The following TMEM132C variants were observed in gnomAD, a reference collection of about 807,000 sequenced individuals.
TMEM132C encodes the protein protein phosphatase 1, regulatory subunit 152.
A neutral mutation model predicts 61.4 loss-of-function variants in TMEM132C; 29 were observed. That is an observed-to-expected ratio of 0.47 (90% confidence interval 0.35 to 0.64). The LOEUF (loss-of-function observed/expected upper bound fraction) is 0.64, where lower values mean the gene tolerates loss of function less well. Among genes scored for constraint, TMEM132C ranks in the 30% least tolerant of loss-of-function variants. The pLI is 0.00. For missense variants in TMEM132C, 1,408 were observed against 1,476.9 expected, an observed-to-expected ratio of 0.95 and a Z score of 0.76; for synonymous variants, 656 against 633.1, an observed-to-expected ratio of 1.04 and a Z score of -0.54.
At chr12:128,358,589 A>G (rs1241648694) in intron 1 of TMEM132C, among the ~76,000 whole-genome samples, 1 of 150,620 alleles carries the variant, frequency 6.6e-6, no homozygotes, top group Non-Finnish European at 1.5e-5. Context: ...TTTAGGAGCT[A>G]AGTGTCTTGG....
chr12:128,303,008 C>G (rs1871646148), intron 1 of TMEM132C, among the ~76,000 whole-genome samples: 1 of 152,204 alleles, frequency 6.6e-6, no homozygotes, highest in African/African-American at 2.4e-5. Flanking sequence ...AGATGGTATT[C>G]TCCAACCTGA....
intron 3 of TMEM132C, among the ~76,000 whole-genome samples, chr12:128,595,030 G>A (rs765132263): frequency 4.6e-5 from 7 of 152,204 alleles, no homozygotes; most frequent in South Asian, 2.1e-4. Context: ...TGAGATGCTC[G>A]CCGGCCAGCA....
chr12:128,626,716 A>T (rs1271357720), intron 4 of TMEM132C, among the ~76,000 whole-genome samples: 1 of 152,180 alleles, frequency 6.6e-6, no homozygotes, highest in Non-Finnish European at 1.5e-5. Flanking sequence ...AAGTGCTGGG[A>T]TTACAGGTGT....
chr12:128,502,082 A>G (rs1449920470), intron 2 of TMEM132C, among the ~76,000 whole-genome samples: 1 of 152,248 alleles, frequency 6.6e-6, no homozygotes, highest in African/African-American at 2.4e-5. Flanking sequence ...TAGATGAAAT[A>G]AACAAAAGGA....
rs535331644 is a variant in TMEM132C at position 128,405,439 on chromosome 12, C to T, written c.86-9293C>T. On this transcript the variant is annotated intron_variant, in intron 1 of 8. Coordinates refer to ENST00000435159, the MANE Select transcript of TMEM132C (RefSeq NM_001136103.3). The stretch of plus-strand genomic sequence containing the variant: ...GGCTGTTGGAGGTTCCTGGACATGG[C>T]GCAAAATCGCCTGTTCAACCATATG... 4.1e-4 allele frequency among the ~76,000 whole-genome samples: 62 copies of T among 152,180 alleles called. No homozygotes were observed. The Middle Eastern group carries it at 0.014, about 33-fold the overall frequency.
intron 3 of TMEM132C, among the ~76,000 whole-genome samples, chr12:128,576,342 C>T (rs1156762290): frequency 6.6e-6 from 1 of 152,042 alleles, no homozygotes; most frequent in Non-Finnish European, 1.5e-5. Context: ...CTCCCGAAGC[C>T]CTTAAAATTG....
chr12:128,627,789 C>CT (rs1954030016), intron 4 of TMEM132C, among the ~76,000 whole-genome samples: 1 of 152,174 alleles, frequency 6.6e-6, no homozygotes, highest in Non-Finnish European at 1.5e-5. Flanking sequence ...CAGCTCCCTC[C>CT]GCCGAGGAGT....
At chr12:128,700,181 C>T (rs1950708784) in intron 8 of TMEM132C, among the ~76,000 whole-genome samples, 1 of 152,156 alleles carries the variant, frequency 6.6e-6, no homozygotes, top group Non-Finnish European at 1.5e-5. Context: ...ATTGGTGTCC[C>T]CTAGCACTGA....
chr12:128,358,370 T>A (rs1873586049), intron 1 of TMEM132C, among the ~76,000 whole-genome samples: 2 of 152,196 alleles, frequency 1.3e-5, no homozygotes. Flanking sequence ...TTATGAACTG[T>A]CAAGCAAAAC....
intron 2 of TMEM132C, among the ~76,000 whole-genome samples, chr12:128,541,099 G>T (rs1392271295): frequency 6.6e-6 from 1 of 151,796 alleles, no homozygotes; most frequent in Non-Finnish European, 1.5e-5. Flanking sequence ...TCATCCTCAG[G>T]TTTGATTAAT....
At chr12:128,438,136 C>A (rs1359844733) in intron 2 of TMEM132C, 3 of 151,660 alleles carry the variant, frequency 2.0e-5, no homozygotes, top group Non-Finnish European at 4.4e-5. Context: ...TCAGTCAGTC[C>A]AAAAAAAATT....
intron 4 of TMEM132C, among the ~76,000 whole-genome samples, chr12:128,662,725 T>C (rs1265737797): frequency 6.6e-6 from 1 of 152,060 alleles, no homozygotes; most frequent in Non-Finnish European, 1.5e-5. Context: ...TGCCAAGAGC[T>C]CCTCAAATGT....
intron 3 of TMEM132C, among the ~76,000 whole-genome samples, chr12:128,584,210 C>A (rs989835193): frequency 2.6e-5 from 4 of 152,172 alleles, no homozygotes; most frequent in Non-Finnish European, 5.9e-5. Flanking sequence ...CAGAGAAAGT[C>A]CCCTGACCTT....
chr12:128,338,500 A>G lies in TMEM132C; in HGVS notation c.85+71013A>G, dbSNP rs151329625. Among the ~76,000 whole-genome samples the G allele has an allele frequency of 5.9e-5, 9 of 152,180 alleles. No individual in the cohort carries two copies. In the East Asian group the frequency reaches 1.7e-3, roughly 29 times the overall value. On this transcript the variant is annotated intron_variant, in intron 1 of 8. Coordinates refer to ENST00000435159, the MANE Select transcript of TMEM132C (RefSeq NM_001136103.3). ...TATGTGTGTTGTTTATCGAAGCCTC[A>G]TGGGGTGGGATCTTTGCCATTCTGC...
chr12:128,402,109 A>G (rs1875182226), intron 1 of TMEM132C, among the ~76,000 whole-genome samples: 1 of 152,172 alleles, frequency 6.6e-6, no homozygotes, highest in South Asian at 2.1e-4. Flanking sequence ...ATTGGCTTAG[A>G]AGAGAGAGAC....
intron 2 of TMEM132C, among the ~76,000 whole-genome samples, chr12:128,420,047 A>T (rs1683730): frequency 0.82 from 124,672 of 151,722 alleles, 52,046 homozygotes; most frequent in Non-Finnish European, 0.9. Context: ...AAAAAAAAAA[A>T]TAGCTGGGCA....
chr12:128,315,059 T>G (rs1872106335), intron 1 of TMEM132C, among the ~76,000 whole-genome samples: 1 of 152,106 alleles, frequency 6.6e-6, no homozygotes, highest in Non-Finnish European at 1.5e-5. Context: ...CAGGTTGCGA[T>G]GGGAAGTCTA....
intron 1 of TMEM132C, among the ~76,000 whole-genome samples, chr12:128,409,988 G>T (rs1307529489): frequency 6.6e-6 from 1 of 152,100 alleles, no homozygotes; most frequent in Non-Finnish European, 1.5e-5. Context: ...AACGAATTTA[G>T]GAATAATAAT....
intron 5 of TMEM132C, among the ~76,000 whole-genome samples, chr12:128,685,309 C>T (rs1042250685): frequency 1.3e-5 from 2 of 152,222 alleles, no homozygotes; most frequent in Admixed American, 6.5e-5. Context: ...TTGTAACAGA[C>T]AACTCCAGCG....
Sources: allele counts gnomAD v4.1 joint callset (sites outside exome capture counted in the v4.1 genomes callset), GRCh38; gene constraint gnomAD v4.1.1; transcripts MANE v1.5; gene names NCBI Gene and HGNC (gene_info 2026-07-23, HGNC 2026-07-21).